ITGA9: variants seen among roughly 807,000 people sequenced by gnomAD.
ITGA9 encodes integrin subunit alpha 9.
A neutral mutation model predicts 127.8 loss-of-function variants in ITGA9; 56 were observed. The ratio of observed to expected loss-of-function variants is 0.44; its 90% CI spans 0.35 to 0.55. The LOEUF (loss-of-function observed/expected upper bound fraction) is 0.55, where lower values mean the gene tolerates loss of function less well. Among genes scored for constraint, ITGA9 ranks in the 20% least tolerant of loss-of-function variants. The pLI, the probability that ITGA9 is intolerant of heterozygous loss-of-function variation, is 0.00. For synonymous variants in ITGA9, 508 were observed against 514.5 expected (o/e 0.99, Z 0.17); for missense variants, 1,196 against 1,347.1 (o/e 0.89, Z 1.76).
At chr3:37,566,345 A>G (rs1405978714) in intron 15 of ITGA9, among the ~76,000 whole-genome samples, 1 of 152,216 alleles carries the variant, frequency 6.6e-6, no homozygotes, top group Non-Finnish European at 1.5e-5. Flanking sequence ...GCAGTATGGC[A>G]TGAGATTTCA....
Position 37,716,000 on chromosome 3 carries a change from G to A in ITGA9, c.2068-16712G>A, listed in dbSNP as rs190180668. On this transcript the variant is annotated intron_variant, in intron 18 of 27. Transcript: ENST00000264741. ...AGGGAAGGAGGCCAAACAAGGATGT[G>A]ATATCAAGCAAAGTCCCCAGGAGAC... Among the ~76,000 whole-genome samples the A allele has an allele frequency of 4.1e-3, 625 of 152,318 alleles. 3 individuals are homozygous for A. The highest frequency in any genetic ancestry group is 6.3e-3 in the Non-Finnish European group (427 of 68,018).
chr3:37,496,468 G>C (rs1698730553), intron 5 of ITGA9, among the ~76,000 whole-genome samples: 1 of 152,082 alleles, frequency 6.6e-6, no homozygotes, highest in African/African-American at 2.4e-5. Flanking sequence ...CTCTAACAAT[G>C]ACATCCATTG....
rs759478017 is a variant in ITGA9, at chr3:37,499,456, G to A, written c.613-3722G>A. 4.7e-4 allele frequency among the ~76,000 whole-genome samples: 71 copies of A among 152,194 alleles called. 1 individual carries two copies. The highest frequency in any genetic ancestry group is 3.8e-4 in the Non-Finnish European group (26 of 68,030). On this transcript the variant is annotated intron_variant, in intron 5 of 27. Coordinates refer to ENST00000264741, the MANE Select transcript of ITGA9 (RefSeq NM_002207.3). The stretch of plus-strand genomic sequence containing the variant: ...GAAAAAGCTGCATTGCTTATTGATG[G>A]GATTCCACAAATGTGATTTAGGTAG...
rs1377575209 is a variant in ITGA9 at position 37,452,714 on chromosome 3, C to T, written c.185+155C>T. Among the ~76,000 whole-genome samples the T allele has an allele frequency of 6.6e-6, 1 of 151,942 alleles. No homozygotes were observed. Among genetic ancestry groups the T allele is most frequent in the Non-Finnish European group, 1.5e-5 (1 of 67,932 alleles). ...TGCGCGCGGCTCGGCCGCCGGGGGACGGCGGGAGAAGGGAGGACGCCGTCC... is the reference window on the plus strand; with the variant it reads ...TGCGCGCGGCTCGGCCGCCGGGGGATGGCGGGAGAAGGGAGGACGCCGTCC... On this transcript the variant is annotated intron_variant, in intron 1 of 27. Transcript: ENST00000264741. The surrounding 1 kb of genome is among the most constrained non-coding windows in gnomAD (Gnocchi z 7.3).
At chr3:37,805,067 C>CTTT (rs11442951) in intron 27 of ITGA9, among the ~76,000 whole-genome samples, 1 of 146,502 alleles carries the variant, frequency 6.8e-6, no homozygotes, top group African/African-American at 2.5e-5. Flanking sequence ...CAGTGGGTTC[C>CTTT]TTTTTTTTTT....
intron 13 of ITGA9, among the ~76,000 whole-genome samples, chr3:37,529,571 T>C (rs1274186108): frequency 6.6e-6 from 1 of 152,172 alleles, no homozygotes; most frequent in Non-Finnish European, 1.5e-5. Flanking sequence ...GGGAGGTGTT[T>C]TAAGGACGGG....
chr3:37,664,882 G>C (rs1700571086), intron 17 of ITGA9, among the ~76,000 whole-genome samples: 1 of 151,538 alleles, frequency 6.6e-6, no homozygotes, highest in South Asian at 2.1e-4. Flanking sequence ...AATGTTGTCA[G>C]AACATTAGCC....
chr3:37,640,730 C>T (rs1249345014), intron 16 of ITGA9, among the ~76,000 whole-genome samples: 11 of 152,208 alleles, frequency 7.2e-5, no homozygotes. Flanking sequence ...TCTTTCCTCC[C>T]TGGGCTCTCT....
rs749435967 is a variant in ITGA9 at position 37,494,589 on chromosome 3, C to T, written c.612+21C>T. On this transcript the variant is annotated intron_variant, in intron 5 of 27. Transcript: ENST00000264741. ...CCGAGGTGGGTGTCTGCTGTCTGGGCATTTCTGTTCTCTTGTGGGTGTTCA... is the reference window on the plus strand; with the variant it reads ...CCGAGGTGGGTGTCTGCTGTCTGGGTATTTCTGTTCTCTTGTGGGTGTTCA... 1.1e-5 allele frequency: 17 copies of T among 1,600,740 alleles called. No homozygotes were observed. The African/African-American group carries it at 1.9e-4, about 18-fold the overall frequency.
In ITGA9 at chr3:37,820,481, C is replaced by G. The variant is rs774812010; in HGVS notation, c.*1492C>G. 4 of 152,326 alleles carry G rather than the reference C, an allele frequency of 2.6e-5. No homozygotes were observed. Among genetic ancestry groups the G allele is most frequent in the African/African-American group, 9.7e-5 (4 of 41,424 alleles). The allele number at this position is 152,326 out of a possible 1,614,324, so 9.4% of individuals were successfully genotyped here. ...AGCAGAACACTGCCCCTCCCCACCC[C>G]CTGAATGTGTGAGTGCTGAGTTACG... On this transcript the variant is annotated 3_prime_UTR_variant, in exon 28 of 28. Transcript: ENST00000264741.
chr3:37,712,903 T>C (rs1383584124), intron 18 of ITGA9, among the ~76,000 whole-genome samples: 5 of 152,102 alleles, frequency 3.3e-5, no homozygotes, highest in Admixed American at 6.5e-5. Context: ...ATGTCTGCCA[T>C]GGTATTGTTA....
intron 18 of ITGA9, among the ~76,000 whole-genome samples, chr3:37,712,456 T>G (rs576974878): frequency 5.9e-5 from 9 of 152,216 alleles, no homozygotes; most frequent in Non-Finnish European, 1.3e-4. Context: ...CTCTGAACAC[T>G]GTGAGGTATC....
intron 18 of ITGA9, among the ~76,000 whole-genome samples, chr3:37,708,144 T>A (rs1427704649): frequency 6.6e-6 from 1 of 152,210 alleles, no homozygotes; most frequent in Non-Finnish European, 1.5e-5. Flanking sequence ...TGGCCAACCT[T>A]ACTCATGTGT....
At position 37,737,045 on chromosome 3, in the gene ITGA9, G is replaced by A. The variant is rs76724945; in HGVS notation, c.2234+62G>A. The A allele has an allele frequency of 5.1e-3, 5,462 of 1,077,622 alleles. 179 individuals are homozygous for A. In the African/African-American group the frequency reaches 0.069, roughly 14 times the overall value. 66.8% of individuals were successfully genotyped at this position (1,077,622 alleles called of 1,614,324 possible). A position where few individuals can be genotyped will look rare whatever the true frequency, so the allele number is the denominator to read the frequency against. On this transcript the variant is annotated intron_variant, in intron 20 of 27. Transcript: ENST00000264741. ...GAGATTTATGGGACCAGGAAAGGAT[G>A]TGTCCTGGTTAAGCTTTGATGAATC... is the stretch of plus-strand genomic sequence containing the variant.
chr3:37,574,131 C>T (rs961071531), intron 15 of ITGA9, among the ~76,000 whole-genome samples: 6 of 152,214 alleles, frequency 3.9e-5, no homozygotes, highest in Non-Finnish European at 7.3e-5. Flanking sequence ...AAAAAATCCA[C>T]ACCAGGAGAA....
rs180980295 is a variant in ITGA9, at chr3:37,783,054, G to T, written c.2788-1923G>T. Among the ~76,000 whole-genome samples the T allele has an allele frequency of 1.3e-3, 198 of 152,108 alleles. 1 individual carries two copies. Among genetic ancestry groups the T allele is most frequent in the African/African-American group, 4.3e-3 (177 of 41,514 alleles). Reference sequence around the variant, plus strand: ...CTCGGGAGGCTGAGGCAGAAGAATCGCTTGAACCTGGGAGGTGGAGGTTGC... The same window carrying T: ...CTCGGGAGGCTGAGGCAGAAGAATCTCTTGAACCTGGGAGGTGGAGGTTGC... On this transcript the variant is annotated intron_variant, in intron 25 of 27. Transcript: ENST00000264741.
intron 2 of ITGA9, among the ~76,000 whole-genome samples, chr3:37,472,593 G>T (rs1429566786): frequency 6.6e-6 from 1 of 151,912 alleles, no homozygotes; most frequent in Non-Finnish European, 1.5e-5. Context: ...ACGGGGTTTC[G>T]CCATGTTGGC....
intron 15 of ITGA9, among the ~76,000 whole-genome samples, chr3:37,547,185 A>AAAAAC (rs1015747062): frequency 6.6e-6 from 1 of 152,178 alleles, no homozygotes; most frequent in Admixed American, 6.5e-5. Context: ...TATTATTGTT[A>AAAAAC]AAAACAAAAC....
chr3:37,487,977 A>G (rs1358506613), intron 4 of ITGA9, among the ~76,000 whole-genome samples: 1 of 152,204 alleles, frequency 6.6e-6, no homozygotes, highest in Non-Finnish European at 1.5e-5. Flanking sequence ...GGGTCCTCAG[A>G]CTGATAAAAT....
Sources: gnomAD v4.1 joint callset for allele counts (sites outside exome capture counted in the v4.1 genomes callset) on GRCh38, gnomAD v4.1.1 for gene constraint, Gnocchi (gnomAD v3.1) non-coding constraint, MANE v1.5 for transcripts, NCBI Gene and HGNC (gene_info 2026-07-23, HGNC 2026-07-21) for gene names.